SUCLG2: variants seen among roughly 807,000 people sequenced by gnomAD.
The protein encoded by SUCLG2 is succinate-CoA ligase GDP-forming subunit beta, also known as succinate--CoA ligase [GDP-forming] subunit beta, mitochondrial.
SUCLG2 carries 42 observed loss-of-function variants against 47.9 expected under a neutral mutation model. That is an observed-to-expected ratio of 0.88 (90% confidence interval 0.69 to 1.14). The LOEUF is 1.14. Ranked by LOEUF, SUCLG2 falls within the 50% of genes most tolerant of loss-of-function variation. The probability of loss-of-function intolerance (pLI) is 0.00; values close to 1 mark genes in which losing one functional copy is unlikely to be tolerated. For synonymous variants in SUCLG2, 195 were observed against 197.3 expected, an observed-to-expected ratio of 0.99 and a Z score of 0.10; for missense variants, 571 against 525.9, an observed-to-expected ratio of 1.09 and a Z score of -0.84.
intron 10 of SUCLG2, among the ~76,000 whole-genome samples, chr3:67,362,701 G>A (rs986374636): frequency 2.6e-5 from 4 of 152,254 alleles, no homozygotes; most frequent in East Asian, 1.9e-4. Flanking sequence ...GATGTAAGTC[G>A]TATCCTCCAC....
At chr3:67,530,401 G>C (rs568738726) in intron 2 of SUCLG2, among the ~76,000 whole-genome samples, 166 of 152,278 alleles carry the variant, frequency 1.1e-3, no homozygotes, top group African/African-American at 3.9e-3. Context: ...ATATTGTAAA[G>C]AATGAAAGGA....
At chr3:67,489,640 T>C (rs984477044) in intron 9 of SUCLG2, among the ~76,000 whole-genome samples, 1 of 152,172 alleles carries the variant, frequency 6.6e-6, no homozygotes, top group Admixed American at 6.5e-5. Context: ...TATTCGAAAA[T>C]AAATTCCTAC....
chr3:67,575,022 C>T (rs892868734), intron 2 of SUCLG2, among the ~76,000 whole-genome samples: 4 of 152,144 alleles, frequency 2.6e-5, no homozygotes, highest in African/African-American at 7.2e-5. Context: ...CTACCTACTA[C>T]AGTAGTTAAA....
chr3:67,566,650 A>G (rs1188549370), intron 2 of SUCLG2, among the ~76,000 whole-genome samples: 2 of 152,170 alleles, frequency 1.3e-5, no homozygotes, highest in Non-Finnish European at 1.5e-5. Context: ...TTCCTCTACT[A>G]TCTTCCAATG....
chr3:67,362,231 A>T (rs912339833), intron 10 of SUCLG2, among the ~76,000 whole-genome samples: 2 of 152,156 alleles, frequency 1.3e-5, no homozygotes, highest in African/African-American at 2.4e-5. Flanking sequence ...ATTTAAGAGA[A>T]CTTTTCATGT....
intron 7 of SUCLG2, among the ~76,000 whole-genome samples, chr3:67,507,266 G>A (rs1000185049): frequency 3.3e-5 from 5 of 152,028 alleles, no homozygotes; most frequent in African/African-American, 7.3e-5. Context: ...GATTTCTATC[G>A]GATGGTCATC....
At chr3:67,494,372 C>T (rs1378811225) in intron 9 of SUCLG2, among the ~76,000 whole-genome samples, 8 of 152,252 alleles carry the variant, frequency 5.3e-5, no homozygotes, top group African/African-American at 7.2e-5. Flanking sequence ...TGATGGCTCA[C>T]GCCTGTAATC....
intron 9 of SUCLG2, among the ~76,000 whole-genome samples, chr3:67,459,726 G>T (rs1704279175): frequency 6.6e-6 from 1 of 152,190 alleles, no homozygotes; most frequent in African/African-American, 2.4e-5. Context: ...AACATACAAG[G>T]ATTTATTCTC....
At chr3:67,563,291 T>C (rs1247874009) in intron 2 of SUCLG2, among the ~76,000 whole-genome samples, 1 of 152,118 alleles carries the variant, frequency 6.6e-6, no homozygotes, top group African/African-American at 2.4e-5. Flanking sequence ...GTATGGTCTC[T>C]TAAGGAGTTC....
chr3:67,503,650 T>C lies in SUCLG2; in HGVS notation c.757+5157A>G, dbSNP rs796796721. On this transcript the variant is annotated intron_variant, in intron 7 of 10. Transcript: ENST00000307227. ...GAAACTCAATTCTAAAGAAAATTCA[T>C]CTTGAACAAAGGCCATTTTTTATAC... is the stretch of plus-strand genomic sequence containing the variant. Among the ~76,000 whole-genome samples the C allele has an allele frequency of 2.6e-5, 4 of 152,214 alleles. No homozygotes were observed. In the South Asian group the frequency reaches 8.3e-4, roughly 31 times the overall value.
In SUCLG2 at chr3:67,488,121, AT is replaced by A. The variant is rs779932756; in HGVS notation, c.1062+7676del. ...AAAACTAGTGTGTGTATATATATAT[AT>A]TTTTTAAAAAGGTATATATAAATAT... On this transcript the variant is annotated intron_variant, in intron 9 of 10. Coordinates refer to ENST00000307227, the MANE Select transcript of SUCLG2 (RefSeq NM_003848.4). Among the ~76,000 whole-genome samples, 640 of 151,462 alleles carry A rather than the reference AT, an allele frequency of 4.2e-3. 10 individuals are homozygous for A. The East Asian group carries it at 0.053, about 12-fold the overall frequency.
chr3:67,362,926 C>T (rs988009884), intron 10 of SUCLG2, among the ~76,000 whole-genome samples: 10 of 152,168 alleles, frequency 6.6e-5, no homozygotes, highest in Admixed American at 6.5e-4. Context: ...GTAATTTATG[C>T]TCTAGAGCTC....
Position 67,557,757 on chromosome 3 carries a change from G to C in SUCLG2, c.227-28571C>G, listed in dbSNP as rs542308119. On this transcript the variant is annotated intron_variant, in intron 2 of 10. Transcript: ENST00000307227. The stretch of plus-strand genomic sequence containing the variant: ...AATAATTGAGAAATCCAAAGCAAAT[G>C]AATCAAAATCCCAGGAATTAGATTC... 3.9e-5 allele frequency among the ~76,000 whole-genome samples: 6 copies of C among 152,232 alleles called. No homozygotes were observed. In the South Asian group the frequency reaches 1.2e-3, roughly 32 times the overall value.
chr3:67,409,659 G>A (rs1365556575), intron 9 of SUCLG2, among the ~76,000 whole-genome samples: 1 of 151,560 alleles, frequency 6.6e-6, no homozygotes, highest in East Asian at 1.9e-4. Context: ...TGTCAACATT[G>A]CCCCTCCTTT....
At chr3:67,449,127 C>A (rs1458454962) in intron 9 of SUCLG2, among the ~76,000 whole-genome samples, 2 of 152,194 alleles carry the variant, frequency 1.3e-5, no homozygotes, top group African/African-American at 4.8e-5. Flanking sequence ...CTGTGACAGA[C>A]AGATTAAAAT....
chr3:67,389,283 T>C (rs969673596), intron 10 of SUCLG2, among the ~76,000 whole-genome samples: 17 of 151,850 alleles, frequency 1.1e-4, no homozygotes, highest in African/African-American at 2.7e-4. Context: ...GGGAACTCAA[T>C]AGAGAGCGTG....
Position 67,468,813 on chromosome 3 carries a change from C to T in SUCLG2, c.1062+26985G>A, listed in dbSNP as rs187523755. On this transcript the variant is annotated intron_variant, in intron 9 of 10. Transcript: ENST00000307227. ...CTGCTGTTTTTAAGCCACTAAGCTT[C>T]GGGGTGGTTTATTAAGGAAGCAATG... is the stretch of plus-strand genomic sequence containing the variant. Among the ~76,000 whole-genome samples the T allele has an allele frequency of 5.0e-3, 767 of 152,218 alleles. 2 individuals carry two copies. The highest frequency in any genetic ancestry group is 0.014 in the Middle Eastern group (4 of 294).
At chr3:67,495,734 A>G (rs1331734338) in intron 9 of SUCLG2, 64 bp downstream of exon 9, 1 of 1,590,402 alleles carries the variant, frequency 6.3e-7, no homozygotes, top group Non-Finnish European at 8.6e-7. Flanking sequence ...AGGAAGAACA[A>G]GTGAGCTCTT....
At chr3:67,499,724 A>G (rs796957921) in intron 7 of SUCLG2, among the ~76,000 whole-genome samples, 212 of 150,278 alleles carry the variant, frequency 1.4e-3, no homozygotes, top group African/African-American at 4.0e-3. Flanking sequence ...TTGTTTGTTT[A>G]TTTATTTATT....
Sources: allele counts gnomAD v4.1 joint callset (sites outside exome capture counted in the v4.1 genomes callset), GRCh38; gene constraint gnomAD v4.1.1; transcripts MANE v1.5; gene names NCBI Gene and HGNC (gene_info 2026-07-23, HGNC 2026-07-21).